GABRB1: variants seen among roughly 807,000 people sequenced by gnomAD.
GABRB1 encodes gamma-aminobutyric acid type A receptor subunit beta1.
A neutral mutation model predicts 51.6 loss-of-function variants in GABRB1; 17 were observed. The observed-to-expected ratio is 0.33, with a 90% confidence interval of 0.23 to 0.49. The LOEUF (loss-of-function observed/expected upper bound fraction) is 0.49, where lower values mean the gene tolerates loss of function less well. Ranked by LOEUF, GABRB1 falls within the 20% of genes least tolerant of loss-of-function variation. GABRB1 has a pLI of 0.99. For missense variants in GABRB1, 410 were observed against 600.6 expected (o/e 0.68, Z 3.32); for synonymous variants, 247 against 218.9 (o/e 1.13, Z -1.14).
chr4:47,292,100 G>A (rs1054373181), intron 4 of GABRB1, among the ~76,000 whole-genome samples: 5 of 152,180 alleles, frequency 3.3e-5, no homozygotes, highest in Admixed American at 2.0e-4. Flanking sequence ...GGGACCCAGT[G>A]GGAGGTAATT....
chr4:47,034,443 T>G (rs1020919958), intron 3 of GABRB1, among the ~76,000 whole-genome samples: 2 of 152,180 alleles, frequency 1.3e-5, no homozygotes, highest in Non-Finnish European at 2.9e-5. Context: ...GTCTGTTTAC[T>G]CACAGCAACA....
chr4:47,288,377 C>T (rs1723595056), intron 4 of GABRB1, among the ~76,000 whole-genome samples: 1 of 152,024 alleles, frequency 6.6e-6, no homozygotes, highest in South Asian at 2.1e-4. Context: ...ATTCTCCTGC[C>T]TCAGCCTCCC....
At chr4:47,266,649 AT>A (rs1722654730) in intron 4 of GABRB1, among the ~76,000 whole-genome samples, 1 of 152,230 alleles carries the variant, frequency 6.6e-6, no homozygotes, top group Non-Finnish European at 1.5e-5. Flanking sequence ...GATATTCAAT[AT>A]GATTTCAATT....
At chr4:47,416,494 A>G (rs183917470) in intron 8 of GABRB1, among the ~76,000 whole-genome samples, 24 of 148,366 alleles carry the variant, frequency 1.6e-4, no homozygotes, top group African/African-American at 5.2e-4. Context: ...TCTGTCGCCT[A>G]GGTTGGAGTG....
At chr4:47,030,522 CT>C (rs1437638132), upstream of GABRB1, among the ~76,000 whole-genome samples, 1 of 152,146 alleles carries the variant, frequency 6.6e-6, no homozygotes, top group African/African-American at 2.4e-5. Flanking sequence ...GTGAATTTCT[CT>C]AGGACAAGAA....
chr4:47,067,635 C>T (rs1727145768), intron 3 of GABRB1, among the ~76,000 whole-genome samples: 1 of 151,348 alleles, frequency 6.6e-6, no homozygotes, highest in Admixed American at 6.6e-5. Context: ...ATTATTATTA[C>T]TATTATTGTT....
At chr4:47,078,709 C>A (rs979129249) in intron 3 of GABRB1, among the ~76,000 whole-genome samples, 1 of 152,180 alleles carries the variant, frequency 6.6e-6, no homozygotes, top group African/African-American at 2.4e-5. Context: ...TATAATGCTA[C>A]AATTTCATCT....
At chr4:47,245,202 A>G (rs1479530981) in intron 4 of GABRB1, among the ~76,000 whole-genome samples, 1 of 152,234 alleles carries the variant, frequency 6.6e-6, no homozygotes, top group African/African-American at 2.4e-5. Context: ...CTACCATCAG[A>G]GAATACTATA....
At chr4:47,065,700 A>G (rs898049263) in intron 3 of GABRB1, among the ~76,000 whole-genome samples, 1 of 152,202 alleles carries the variant, frequency 6.6e-6, no homozygotes, top group Non-Finnish European at 1.5e-5. Flanking sequence ...AACTCCTGCA[A>G]ATTGAACAAC....
intron 3 of GABRB1, among the ~76,000 whole-genome samples, chr4:47,103,372 C>T (rs187544430): frequency 2.6e-5 from 4 of 152,036 alleles, no homozygotes; most frequent in Admixed American, 2.6e-4. Flanking sequence ...TGGTAGCTTT[C>T]TATAGATATA....
chr4:47,137,013 G>A (rs535733070), intron 3 of GABRB1, among the ~76,000 whole-genome samples: 5 of 152,198 alleles, frequency 3.3e-5, no homozygotes, highest in South Asian at 2.1e-4. Context: ...AAGGAGACTA[G>A]GACTGACTTT....
intron 3 of GABRB1, among the ~76,000 whole-genome samples, chr4:47,137,349 T>C (rs1716712612): frequency 6.6e-6 from 1 of 152,002 alleles, no homozygotes; most frequent in African/African-American, 2.4e-5. Context: ...GGCATGTTGG[T>C]GTGTGAGTTA....
intron 4 of GABRB1, among the ~76,000 whole-genome samples, chr4:47,315,190 A>G (rs1452090146): frequency 2.0e-5 from 3 of 152,054 alleles, no homozygotes; most frequent in African/African-American, 7.2e-5. Context: ...AGAAATCAAC[A>G]AGCAAAAAAT....
At chr4:47,319,226 A>ATGTACTGTACTACAG (rs1378109246) in intron 4 of GABRB1, among the ~76,000 whole-genome samples, 3 of 152,112 alleles carry the variant, frequency 2.0e-5, no homozygotes, top group African/African-American at 7.2e-5. Context: ...TACACAGCAT[A>ATGTACTGTACTACAG]TGTACTGTAC....
intron 3 of GABRB1, among the ~76,000 whole-genome samples, chr4:47,089,652 T>A (rs1195154301): frequency 6.6e-6 from 1 of 152,198 alleles, no homozygotes; most frequent in Non-Finnish European, 1.5e-5. Flanking sequence ...AGAATTCAAA[T>A]ATTCAGATTC....
chr4:47,006,443 C>G (rs908431686), intron 1 of GABRB1, among the ~76,000 whole-genome samples: 1 of 152,144 alleles, frequency 6.6e-6, no homozygotes, highest in Non-Finnish European at 1.5e-5. Context: ...GAACTATTTT[C>G]TTTTATAGGT....
chr4:47,242,278 G>C lies in GABRB1; in HGVS notation c.462-77849G>C, dbSNP rs550612995. 2.6e-5 allele frequency among the ~76,000 whole-genome samples: 4 copies of C among 152,294 alleles called. No homozygotes were observed. The East Asian group carries it at 5.8e-4, about 22-fold the overall frequency. ...ATATGTGCCACATTTTCTTAATCCA[G>C]TCTATCATTGTTGGACATTTGGGTT... On this transcript the variant is annotated intron_variant, in intron 4 of 8. Transcript: ENST00000295454.
chr4:47,110,593 C>T (rs1715174713), intron 3 of GABRB1, among the ~76,000 whole-genome samples: 2 of 152,120 alleles, frequency 1.3e-5, no homozygotes, highest in African/African-American at 4.8e-5. Flanking sequence ...TTCCAAAAGG[C>T]ATCTAAGGGA....
At chr4:47,279,424 T>A (rs1723197362) in intron 4 of GABRB1, among the ~76,000 whole-genome samples, 1 of 152,032 alleles carries the variant, frequency 6.6e-6, no homozygotes, top group Admixed American at 6.6e-5. Flanking sequence ...TTCATGAAAA[T>A]TTTGCTTAAA....
Sources: allele counts gnomAD v4.1 joint callset (sites outside exome capture counted in the v4.1 genomes callset), GRCh38; gene constraint gnomAD v4.1.1; transcripts MANE v1.5; gene names NCBI Gene and HGNC (gene_info 2026-07-23, HGNC 2026-07-21).